The following LUZP2 variants were observed in gnomAD, a reference collection of about 807,000 sequenced individuals.
LUZP2 encodes leucine zipper protein 2.
A neutral mutation model predicts 51.6 loss-of-function variants in LUZP2; 52 were observed. The observed-to-expected ratio is 1.01, with a 90% CI of 0.81 to 1.27. The LOEUF (loss-of-function observed/expected upper bound fraction) is 1.27. Among genes scored for constraint, LUZP2 ranks in the 50% most tolerant of loss-of-function variants. The pLI, the probability that LUZP2 is intolerant of heterozygous loss-of-function variation, is 0.00. For synonymous variants in LUZP2, 154 were observed against 137.3 expected (o/e 1.12, Z -0.85); for missense variants, 436 against 395.4 (o/e 1.10, Z -0.87).
At chr11:24,920,584 C>T (rs1854015493) in intron 7 of LUZP2, among the ~76,000 whole-genome samples, 1 of 151,764 alleles carries the variant, frequency 6.6e-6, no homozygotes, top group Non-Finnish European at 1.5e-5. Flanking sequence ...CATATGTACA[C>T]ATATGGAATG....
Position 24,837,339 on chromosome 11 carries a change from T to C in LUZP2, c.397-68652T>C, listed in dbSNP as rs190962603. Among the ~76,000 whole-genome samples, 47 of 151,830 alleles carry C rather than the reference T, an allele frequency of 3.1e-4. No homozygotes were observed. In the East Asian group the frequency reaches 6.6e-3, roughly 21 times the overall value. ...AGGTAGTTACTCATGATGAATAGGA[T>C]GTTGTCCAAAGCCTCTGAACAGATA... is the stretch of plus-strand genomic sequence containing the variant. On this transcript the variant is annotated intron_variant, in intron 5 of 11. Coordinates refer to ENST00000336930, the MANE Select transcript of LUZP2 (RefSeq NM_001009909.4).
At position 24,667,913 on chromosome 11, in the gene LUZP2, G is replaced by T. The variant is rs148558985; in HGVS notation, c.63-61256G>T. ...TCTAATGCAAACATTGAAAGAATGA[G>T]GGTAATTCACATGATAGATATTTTC... On this transcript the variant is annotated intron_variant, in intron 1 of 11. Transcript: ENST00000336930. 3.1e-4 allele frequency among the ~76,000 whole-genome samples: 47 copies of T among 152,216 alleles called. No individual in the cohort carries two copies. In the East Asian group the frequency reaches 7.9e-3, roughly 26 times the overall value.
At chr11:25,022,714 G>A (rs1189094145) in intron 9 of LUZP2, among the ~76,000 whole-genome samples, 1 of 151,992 alleles carries the variant, frequency 6.6e-6, no homozygotes, top group Non-Finnish European at 1.5e-5. Flanking sequence ...ACTGGACAGA[G>A]GCTTACAGAT....
At chr11:24,709,375 T>C (rs1055497722) in intron 1 of LUZP2, among the ~76,000 whole-genome samples, 2 of 152,066 alleles carry the variant, frequency 1.3e-5, no homozygotes, top group African/African-American at 2.4e-5. Context: ...TACAAAGACA[T>C]GGGGTTATAA....
intron 5 of LUZP2, among the ~76,000 whole-genome samples, chr11:24,823,444 A>G (rs1397555667): frequency 6.6e-6 from 1 of 152,098 alleles, no homozygotes; most frequent in East Asian, 1.9e-4. Context: ...AGGCCATAGA[A>G]ATAAATTTTG....
At position 24,729,187 on chromosome 11, in the gene LUZP2, A is replaced by G. The variant is rs750436427; in HGVS notation, c.81A>G (p.Leu27=). The G allele has an allele frequency of 1.8e-5, 29 of 1,571,886 alleles. No individual in the cohort carries two copies. Among genetic ancestry groups the G allele is most frequent in the Non-Finnish European group, 2.4e-5 (28 of 1,151,698 alleles). Residue 27 remains leucine (L), a synonymous_variant, in exon 2 of 12, where the codon CTA becomes CTG. Transcript: ENST00000336930. ...GTGTTAGACAGGACTATGAAGAGCT[A>G]GAAAAGCAGCTGAAAGAAGTCTTTA... ...VLSTRQDYEE[L]EKQLKEVFKE...
At chr11:24,627,526 T>C (rs188247750) in intron 1 of LUZP2, among the ~76,000 whole-genome samples, 1 of 152,342 alleles carries the variant, frequency 6.6e-6, no homozygotes, top group Admixed American at 6.5e-5. Context: ...CCGACTTTCT[T>C]TCTGTGATCC....
intron 10 of LUZP2, among the ~76,000 whole-genome samples, chr11:25,051,672 T>A (rs1246169616): frequency 6.6e-6 from 1 of 152,152 alleles, no homozygotes. Context: ...GCTAAGAAAT[T>A]TAATTTGAAC....
At chr11:24,870,430 T>C (rs1197676155) in intron 5 of LUZP2, among the ~76,000 whole-genome samples, 1 of 151,768 alleles carries the variant, frequency 6.6e-6, no homozygotes, top group Non-Finnish European at 1.5e-5. Flanking sequence ...AGTTCTCCAG[T>C]TATTCTGTAT....
intron 1 of LUZP2, among the ~76,000 whole-genome samples, chr11:24,532,526 T>C (rs567882053): frequency 6.6e-6 from 1 of 151,154 alleles, no homozygotes; most frequent in East Asian, 1.9e-4. Flanking sequence ...ACACTTTTTC[T>C]CTCCCACTTC....
chr11:24,850,142 TC>T (rs1851343325), intron 5 of LUZP2, among the ~76,000 whole-genome samples: 1 of 148,108 alleles, frequency 6.8e-6, no homozygotes, highest in African/African-American at 2.5e-5. Context: ...ATCCCATTTG[TC>T]AATTTTGGCT....
At chr11:24,923,002 C>A (rs1200783956) in intron 7 of LUZP2, among the ~76,000 whole-genome samples, 2 of 151,628 alleles carry the variant, frequency 1.3e-5, no homozygotes, top group Non-Finnish European at 2.9e-5. Flanking sequence ...GCACCCGCCA[C>A]CACGCCTAGC....
In LUZP2 at chr11:24,996,481, A is replaced by G. The variant is rs548850871; in HGVS notation, c.765+13188A>G. Among the ~76,000 whole-genome samples the G allele has an allele frequency of 1.6e-3, 245 of 152,086 alleles. 1 individual carries two copies. The highest frequency in any genetic ancestry group is 9.7e-4 in the Non-Finnish European group (66 of 67,976). The stretch of plus-strand genomic sequence containing the variant: ...CCACAAAATGCCACAGATTAGAACT[A>G]GGATTTTCCATTGTAATTGTCTTCC... On this transcript the variant is annotated intron_variant, in intron 9 of 11. Coordinates refer to ENST00000336930, the MANE Select transcript of LUZP2 (RefSeq NM_001009909.4).
intron 1 of LUZP2, among the ~76,000 whole-genome samples, chr11:24,548,314 AG>A (rs1851621538): frequency 6.6e-6 from 1 of 152,094 alleles, no homozygotes; most frequent in Admixed American, 6.6e-5. Context: ...TGCCTATCAA[AG>A]GTGGGCTGGA....
intron 1 of LUZP2, among the ~76,000 whole-genome samples, chr11:24,572,469 A>C (rs944232177): frequency 1.3e-5 from 2 of 152,048 alleles, no homozygotes; most frequent in Admixed American, 6.6e-5. Flanking sequence ...TATGGAGTTC[A>C]TTATTCTTTG....
intron 5 of LUZP2, among the ~76,000 whole-genome samples, chr11:24,810,637 G>A (rs1461495296): frequency 1.3e-5 from 2 of 152,116 alleles, no homozygotes; most frequent in Admixed American, 1.3e-4. Context: ...AAGTAAGATA[G>A]GTGTATAGTG....
intron 11 of LUZP2, 102 bp downstream of exon 11, chr11:25,077,508 TTA>T: frequency 2.7e-5 from 12 of 448,208 alleles, no homozygotes; most frequent in South Asian, 9.4e-5. Flanking sequence ...TTTTATTTAT[TTA>T]TTTTTTTGAG....
chr11:24,610,552 G>C (rs1393043802), intron 1 of LUZP2, among the ~76,000 whole-genome samples: 1 of 152,150 alleles, frequency 6.6e-6, no homozygotes, highest in Non-Finnish European at 1.5e-5. Flanking sequence ...GGCTCAAAGA[G>C]AATATTCAAG....
intron 1 of LUZP2, among the ~76,000 whole-genome samples, chr11:24,616,014 C>CT (rs147899433): frequency 3.3e-4 from 48 of 145,468 alleles, no homozygotes; most frequent in Middle Eastern, 7.2e-3. Context: ...GTTTGGTTGC[C>CT]TTTTTTTTTT....
Sources: allele counts gnomAD v4.1 joint callset (sites outside exome capture counted in the v4.1 genomes callset), GRCh38; gene constraint gnomAD v4.1.1; transcripts MANE v1.5; gene names NCBI Gene and HGNC (gene_info 2026-07-23, HGNC 2026-07-21).